Variants in CLPTM1L observed in about 807,000 individuals in gnomAD.
CLPTM1L encodes CLPTM1 like.
CLPTM1L carries 38 observed loss-of-function variants against 70.9 expected under a neutral mutation model. That is an observed-to-expected ratio of 0.54 (90% CI 0.41 to 0.70). CLPTM1L has a LOEUF of 0.70. Among genes scored for constraint, CLPTM1L ranks in the 30% least tolerant of loss-of-function variants. The pLI is 0.00. For missense variants in CLPTM1L, 652 were observed against 705.9 expected (o/e 0.92, Z 0.87); for synonymous variants, 339 against 299.9 (o/e 1.13, Z -1.35).
Position 1,344,851 on chromosome 5 carries a change from G to A in CLPTM1L, c.-10C>T, listed in dbSNP as rs937028450. 3 of 1,453,634 alleles carry A rather than the reference G, an allele frequency of 2.1e-6. No individual in the cohort carries two copies. The highest frequency in any genetic ancestry group is 1.8e-6 in the Non-Finnish European group (2 of 1,100,188). 90.0% of individuals were successfully genotyped at this position (1,453,634 alleles called of 1,614,324 possible). ...TGCGGCCGCTCCACATGGCGGCCCC[G>A]CGCCCGGCGCCCCCGGCCCGCCCGC... On this transcript the variant is annotated 5_prime_UTR_variant, in exon 1 of 17. Transcript: ENST00000320895.
In CLPTM1L at chr5:1,321,786, G is replaced by T; in HGVS notation, c.1349C>A (p.Pro450His). 1 of 1,614,060 alleles carries T rather than the reference G, an allele frequency of 6.2e-7. No homozygotes were observed. The highest frequency in any genetic ancestry group is 8.5e-7 in the Non-Finnish European group (1 of 1,179,992). ...VYAFGFLFMLPQLFVNYKLKS... is the reference protein window; with the variant it reads ...VYAFGFLFMLHQLFVNYKLKS... Reference sequence around the variant, plus strand: ...TACCTTGTAGTTCACAAAGAGCTGGGGCAGCATGAAGAGGAAACCAAAGGC... The same window carrying T: ...TACCTTGTAGTTCACAAAGAGCTGGTGCAGCATGAAGAGGAAACCAAAGGC... The change falls in exon 14 of 17, where the codon CCC (proline) becomes CAC (histidine). Residue 450 changes from proline to histidine, a missense_variant. Pro to His is a moderately conservative substitution (Grantham distance 77). This residue lies in a region of CLPTM1L where 240 missense variants were observed against 295.0 expected (regional missense o/e 0.81). Transcript: ENST00000320895.
At chr5:1,332,254 A>G in intron 7 of CLPTM1L, 1 of 215,694 alleles carries the variant, frequency 4.6e-6, no homozygotes, top group Non-Finnish European at 9.4e-6. Flanking sequence ...CTAAAAACGC[A>G]AGGGCTGGGC....
intron 13 of CLPTM1L, 159 bp downstream of exon 13, chr5:1,322,715 CCTG>C (rs1752229391): frequency 1.4e-6 from 1 of 738,548 alleles, no homozygotes; most frequent in Non-Finnish European, 2.4e-6. Flanking sequence ...CTGCTCACAG[CCTG>C]GGGGGAGCCC....
chr5:1,332,692 T>G (rs1753175737), intron 7 of CLPTM1L, among the ~76,000 whole-genome samples: 2 of 152,258 alleles, frequency 1.3e-5, no homozygotes. Context: ...ACAGATATTC[T>G]GAGAGTGAGA....
In CLPTM1L at chr5:1,326,916, C is replaced by T. The variant is rs550418804; in HGVS notation, c.1081-1100G>A. On this transcript the variant is annotated intron_variant, in intron 9 of 16. Coordinates refer to ENST00000320895, the MANE Select transcript of CLPTM1L (RefSeq NM_030782.5). ...TCCTCCTCTACGGACACATTTCATC[C>T]AGCTCCTCCTCTACGGACACATTTC... Among the ~76,000 whole-genome samples the T allele has an allele frequency of 1.7e-3, 263 of 150,596 alleles. 6 individuals are homozygous for T. Among genetic ancestry groups the T allele is most frequent in the African/African-American group, 5.9e-3 (240 of 40,612 alleles).
intron 5 of CLPTM1L, among the ~76,000 whole-genome samples, chr5:1,337,575 G>A (rs959768993): frequency 6.6e-6 from 1 of 152,238 alleles, no homozygotes; most frequent in African/African-American, 2.4e-5. Context: ...GAGCTCACAC[G>A]CAGACGCTGT....
chr5:1,341,650 G>T, intron 3 of CLPTM1L, 21 bp downstream of exon 3: 2 of 1,580,508 alleles, frequency 1.3e-6, no homozygotes, highest in Non-Finnish European at 1.7e-6. Context: ...CCTGTTATCA[G>T]TAACCCATGA....
rs757726171 is a variant in CLPTM1L at position 1,341,831 on chromosome 5, G to A, written c.293C>T (p.Thr98Met). The A allele has an allele frequency of 5.3e-5, 86 of 1,613,612 alleles. No homozygotes were observed. The highest frequency in any genetic ancestry group is 1.7e-4 in the Middle Eastern group (1 of 6,060). ...RTVNVSVPKK[T>M]RNNGTLYAYI... is the part of the protein sequence containing the mutation. ...GGCATACAGCGTCCCATTGTTTCTC[G>A]TTTTCTTTGGTACAGAAACATTAAC... is the stretch of plus-strand genomic sequence containing the variant. Residue 98 changes from threonine to methionine, a missense_variant, in exon 3 of 17, where the codon ACG (threonine) becomes ATG (methionine). Thr to Met is a moderately conservative substitution (Grantham distance 81). Transcript: ENST00000320895.
intron 9 of CLPTM1L, among the ~76,000 whole-genome samples, chr5:1,327,861 A>G (rs1435040528): frequency 1.6e-3 from 189 of 121,748 alleles, no homozygotes; most frequent in African/African-American, 3.0e-3. Flanking sequence ...TCCTCTACAG[A>G]CACATTTCAT....
At chr5:1,341,533 G>GT (rs1753934615) in intron 3 of CLPTM1L, 138 bp downstream of exon 3, 2 of 656,026 alleles carry the variant, frequency 3.0e-6, no homozygotes, top group Admixed American at 3.0e-5. Flanking sequence ...ATGCACGCCA[G>GT]TAACATTCCA....
At chr5:1,326,573 C>T (rs1752568282) in intron 9 of CLPTM1L, 1 of 290,234 alleles carries the variant, frequency 3.4e-6, no homozygotes, top group Admixed American at 5.5e-5. Context: ...CCATCCAGCT[C>T]CTCCTCTACA....
chr5:1,338,600 C>G (rs1159200460), intron 4 of CLPTM1L, among the ~76,000 whole-genome samples: 1 of 152,274 alleles, frequency 6.6e-6, no homozygotes, highest in East Asian at 1.9e-4. Context: ...TCAGCGCCTT[C>G]CGTTTTCTCT....
chr5:1,330,434 G>A (rs755531336), intron 8 of CLPTM1L, 51 bp from the exon 9 acceptor site: 5 of 1,486,836 alleles, frequency 3.4e-6, no homozygotes, highest in African/African-American at 1.4e-5. Flanking sequence ...GACCCCACCT[G>A]TGTTCCCCAA....
At chr5:1,327,785 C>T (rs1344694047) in intron 9 of CLPTM1L, among the ~76,000 whole-genome samples, 1 of 150,302 alleles carries the variant, frequency 6.7e-6, no homozygotes, top group African/African-American at 2.5e-5. Flanking sequence ...GACATTCCAC[C>T]CAGCTCCTCC....
At chr5:1,333,009 A>T (rs28447322) in intron 7 of CLPTM1L, among the ~76,000 whole-genome samples, 1 of 87,308 alleles carries the variant, frequency 1.1e-5, no homozygotes, top group Non-Finnish European at 2.4e-5. Flanking sequence ...TAAGGGGGGA[A>T]TACTGTAGAC....
intron 7 of CLPTM1L, among the ~76,000 whole-genome samples, chr5:1,333,046 T>C (rs4975633): frequency 4.9e-5 from 4 of 81,792 alleles, no homozygotes; most frequent in South Asian, 4.9e-4. Flanking sequence ...GACTACTGTA[T>C]ACACACCGGA....
At chr5:1,341,075 A>G (rs1753908800) in intron 3 of CLPTM1L, among the ~76,000 whole-genome samples, 1 of 152,152 alleles carries the variant, frequency 6.6e-6, no homozygotes, top group Admixed American at 6.5e-5. Flanking sequence ...CTTGTTTTGT[A>G]AATTATCTCA....
chr5:1,330,682 C>G (rs1274938150), intron 8 of CLPTM1L: 5 of 415,748 alleles, frequency 1.2e-5, no homozygotes, highest in Non-Finnish European at 2.2e-5. Flanking sequence ...GGGGCCAGCA[C>G]AGCTTTGCTT....
Position 1,323,867 on chromosome 5 carries a change from G to A in CLPTM1L, c.1200C>T (p.Ala400=). The change falls in exon 12 of 17, where the codon GCC becomes GCT. Residue 400 remains alanine, a splice_region_variant and synonymous_variant. Coordinates refer to ENST00000320895, the MANE Select transcript of CLPTM1L (RefSeq NM_030782.5). ...ACAGCAGGTATGACAAGTACTTCAT[G>A]GCCTGCAGGGAACAAAGATGGCTTC... ...ERKTEEYDTQ[A]MKYLSYLLYP... The A allele has an allele frequency of 1.2e-6, 2 of 1,612,676 alleles. No individual in the cohort carries two copies. The highest frequency in any genetic ancestry group is 1.1e-5 in the South Asian group (1 of 91,040).
Sources: gnomAD v4.1 joint callset for allele counts (sites outside exome capture counted in the v4.1 genomes callset) on GRCh38, gnomAD v4.1.1 for gene constraint, gnomAD v4.1.1 regional missense constraint, MANE v1.5 for transcripts, NCBI Gene and HGNC (gene_info 2026-07-23, HGNC 2026-07-21) for gene names.